The following PRKG1 variants were observed in gnomAD, a reference collection of about 807,000 sequenced individuals.
PRKG1 encodes protein kinase cGMP-dependent 1, also known as cGMP-dependent protein kinase 1.
Under a neutral mutation model 88.1 loss-of-function variants are expected in PRKG1, and 35 were observed. That is an observed-to-expected ratio of 0.40 (90% confidence interval 0.30 to 0.53). The LOEUF is 0.53. PRKG1 is among the 20% of genes least tolerant of loss of function. PRKG1 has a pLI of 0.59. For missense variants in PRKG1, 540 were observed against 839.8 expected (o/e 0.64, Z 4.41); for synonymous variants, 303 against 292.5 (o/e 1.04, Z -0.37).
chr10:51,223,683 T>C (rs1032589640), intron 2 of PRKG1, among the ~76,000 whole-genome samples: 21 of 152,208 alleles, frequency 1.4e-4, no homozygotes, highest in Non-Finnish European at 2.9e-5. Context: ...TTTTGGCCTA[T>C]TTCCATTTTT....
At chr10:52,171,130 T>G (rs1838660363) in intron 9 of PRKG1, among the ~76,000 whole-genome samples, 1 of 49,768 alleles carries the variant, frequency 2.0e-5, no homozygotes, top group African/African-American at 4.1e-5. Context: ...GGTGTGTTTT[T>G]TTTTTTTTTG....
chr10:52,034,879 C>A (rs991748010), intron 5 of PRKG1, among the ~76,000 whole-genome samples: 14 of 152,192 alleles, frequency 9.2e-5, no homozygotes, highest in African/African-American at 2.9e-4. Context: ...CTGTACCCTG[C>A]AGCATTCCGA....
intron 2 of PRKG1, among the ~76,000 whole-genome samples, chr10:51,248,170 T>G (rs1349250704): frequency 7.2e-5 from 11 of 151,852 alleles, no homozygotes; most frequent in Admixed American, 7.2e-4. Flanking sequence ...CTTGAAAATG[T>G]TCTCAGGCTG....
At chr10:51,216,978 A>G (rs1044586929) in intron 2 of PRKG1, among the ~76,000 whole-genome samples, 1 of 152,184 alleles carries the variant, frequency 6.6e-6, no homozygotes, top group African/African-American at 2.4e-5. Flanking sequence ...CAAAACATAA[A>G]TCTAGCCTGG....
intron 9 of PRKG1, among the ~76,000 whole-genome samples, chr10:52,224,565 T>G (rs71500387): frequency 0.61 from 71,244 of 116,852 alleles, 22,321 homozygotes; most frequent in East Asian, 0.76. Flanking sequence ...AGTATACACT[T>G]CACCATATTT....
chr10:51,793,041 A>G (rs907368574), intron 3 of PRKG1, among the ~76,000 whole-genome samples: 2 of 151,918 alleles, frequency 1.3e-5, no homozygotes, highest in African/African-American at 2.4e-5. Context: ...TTAAGTGAAA[A>G]AAAAAGGTGC....
intron 14 of PRKG1, among the ~76,000 whole-genome samples, chr10:52,285,490 A>G (rs1842097821): frequency 6.6e-6 from 1 of 152,100 alleles, no homozygotes; most frequent in Admixed American, 6.6e-5. Flanking sequence ...AGCTGGAACC[A>G]CTGATCCTAC....
intron 1 of PRKG1, among the ~76,000 whole-genome samples, chr10:51,122,475 C>G (rs1845282448): frequency 6.6e-6 from 1 of 152,120 alleles, no homozygotes; most frequent in African/African-American, 2.4e-5. Context: ...AAAAACCTAA[C>G]CCATCTGGGT....
At chr10:52,166,253 G>T (rs1483575632) in intron 9 of PRKG1, among the ~76,000 whole-genome samples, 1 of 151,946 alleles carries the variant, frequency 6.6e-6, no homozygotes, top group Non-Finnish European at 1.5e-5. Context: ...TTTACTTATG[G>T]TGAGTCAGGC....
chr10:51,697,775 G>A (rs1841338185), intron 3 of PRKG1: 2 of 1,614,152 alleles, frequency 1.2e-6, no homozygotes. Context: ...GGGCAGCATG[G>A]CAATCTGATC....
At chr10:52,052,476 G>A (rs1036380539) in intron 5 of PRKG1, among the ~76,000 whole-genome samples, 1 of 151,976 alleles carries the variant, frequency 6.6e-6, no homozygotes, top group African/African-American at 2.4e-5. Flanking sequence ...GTGTACACCT[G>A]TGGTCCCAGC....
At chr10:51,086,395 C>A (rs1294647977) in intron 1 of PRKG1, among the ~76,000 whole-genome samples, 1 of 152,082 alleles carries the variant, frequency 6.6e-6, no homozygotes, top group Non-Finnish European at 1.5e-5. Context: ...AAGGGTGTAG[C>A]CCATGTCCTT....
In PRKG1 at chr10:51,719,631, A is replaced by C. The variant is rs562854418; in HGVS notation, c.593-84954A>C. ...AAACAGAAAAAGGATATTAGTGGAA[A>C]AACAGTGAAATCTAAATAATGTTTG... On this transcript the variant is annotated intron_variant, in intron 3 of 17. Coordinates refer to ENST00000373980, the MANE Select transcript of PRKG1 (RefSeq NM_006258.4). Among the ~76,000 whole-genome samples the C allele has an allele frequency of 1.5e-3, 229 of 152,326 alleles. 1 individual carries two copies. The highest frequency in any genetic ancestry group is 5.3e-3 in the African/African-American group (221 of 41,568).
At chr10:51,504,867 T>C (rs1841147438) in intron 3 of PRKG1, among the ~76,000 whole-genome samples, 1 of 152,216 alleles carries the variant, frequency 6.6e-6, no homozygotes, top group African/African-American at 2.4e-5. Context: ...TAAGGAGATG[T>C]TGGGCTGAGA....
At chr10:51,284,865 C>CTTTTTTTTTTTTTTTTTTTTTAGTTATTT (rs1840393822) in intron 2 of PRKG1, among the ~76,000 whole-genome samples, 1 of 51,698 alleles carries the variant, frequency 1.9e-5, no homozygotes, top group African/African-American at 7.2e-5. Context: ...GTTGTGGGTA[C>CTTTTTTTTTTTTTTTTTTTTTAGTTATTT]TTTTTTTTTT....
chr10:52,193,066 T>C (rs1839406695), intron 9 of PRKG1, among the ~76,000 whole-genome samples: 1 of 152,192 alleles, frequency 6.6e-6, no homozygotes, highest in Non-Finnish European at 1.5e-5. Context: ...TGAGTTCTCC[T>C]AGAGCAACAA....
intron 5 of PRKG1, among the ~76,000 whole-genome samples, chr10:51,996,314 C>CAAAAAAAAAAAAAA (rs59174399): frequency 6.7e-5 from 2 of 30,026 alleles, no homozygotes; most frequent in Non-Finnish European, 1.1e-4. Context: ...GACTCCATCT[C>CAAAAAAAAAAAAAA]AAAAAAAAAA....
At chr10:51,312,729 C>T (rs548011707) in intron 2 of PRKG1, among the ~76,000 whole-genome samples, 6 of 147,822 alleles carry the variant, frequency 4.1e-5, no homozygotes, top group African/African-American at 1.5e-4. Flanking sequence ...AAACATATAC[C>T]TAAACTTATT....
Position 52,036,436 on chromosome 10 carries a change from C to T in PRKG1, c.763-18048C>T, listed in dbSNP as rs564150106. ...GGGAATTGTAAGGAGAGTTTATAGG[C>T]TTTAAAAGGCCATGCTGTAGCAGGC... On this transcript the variant is annotated intron_variant, in intron 5 of 17. Transcript: ENST00000373980. Among the ~76,000 whole-genome samples the T allele has an allele frequency of 2.5e-3, 374 of 150,576 alleles. 4 individuals are homozygous for T. Among genetic ancestry groups the T allele is most frequent in the Middle Eastern group, 6.8e-3 (2 of 292 alleles).
Sources: allele counts gnomAD v4.1 joint callset (sites outside exome capture counted in the v4.1 genomes callset), GRCh38; gene constraint gnomAD v4.1.1; transcripts MANE v1.5; gene names NCBI Gene and HGNC (gene_info 2026-07-23, HGNC 2026-07-21).